The following SRBD1 variants were observed in gnomAD, a reference collection of about 807,000 sequenced individuals.
SRBD1 encodes S1 RNA-binding domain-containing protein 1.
A neutral mutation model predicts 115.3 loss-of-function variants in SRBD1; 88 were observed. The ratio of observed to expected loss-of-function variants is 0.76; its 90% CI spans 0.64 to 0.91. The LOEUF is 0.91. Ranked by LOEUF, SRBD1 falls within the 40% of genes least tolerant of loss-of-function variation. The pLI is 0.00. For missense variants in SRBD1, 1,385 were observed against 1,177.4 expected, an observed-to-expected ratio of 1.18 and a Z score of -2.58; for synonymous variants, 509 against 407.7, an observed-to-expected ratio of 1.25 and a Z score of -2.99.
chr2:45,395,965 T>C (rs1667135455), intron 19 of SRBD1, among the ~76,000 whole-genome samples: 1 of 152,216 alleles, frequency 6.6e-6, no homozygotes, highest in Non-Finnish European at 1.5e-5. Flanking sequence ...CAATACAAAG[T>C]ACTTTCTGGC....
intron 4 of SRBD1, among the ~76,000 whole-genome samples, chr2:45,598,975 T>A (rs1673996530): frequency 6.6e-6 from 1 of 152,138 alleles, no homozygotes; most frequent in Admixed American, 6.5e-5. Context: ...GACATATAAT[T>A]CTGGCATCTC....
At chr2:45,599,153 T>C (rs1040669885) in intron 4 of SRBD1, among the ~76,000 whole-genome samples, 7 of 152,178 alleles carry the variant, frequency 4.6e-5, no homozygotes, top group Non-Finnish European at 1.0e-4. Context: ...AACTTAACAA[T>C]GAACCTGTGG....
At chr2:45,489,907 C>G in intron 14 of SRBD1, among the ~76,000 whole-genome samples, 1 of 152,094 alleles carries the variant, frequency 6.6e-6, no homozygotes, top group Non-Finnish European at 1.5e-5. Flanking sequence ...TAAGGAAGAG[C>G]TACTTTCTCA....
intron 14 of SRBD1, among the ~76,000 whole-genome samples, chr2:45,521,474 A>G (rs1186273575): frequency 6.6e-6 from 1 of 152,146 alleles, no homozygotes; most frequent in East Asian, 1.9e-4. Context: ...CCCCTACTAG[A>G]TGTCTATAAT....
chr2:45,423,453 A>G (rs1220593833), intron 16 of SRBD1, among the ~76,000 whole-genome samples: 2 of 152,200 alleles, frequency 1.3e-5, no homozygotes, highest in Non-Finnish European at 2.9e-5. Context: ...ACATGGTAGG[A>G]GAATAAAAAA....
intron 16 of SRBD1, among the ~76,000 whole-genome samples, chr2:45,470,103 T>C (rs1328183576): frequency 6.6e-6 from 1 of 152,222 alleles, no homozygotes; most frequent in Non-Finnish European, 1.5e-5. Flanking sequence ...AATTAAGGAA[T>C]TAAAATGTTT....
At position 45,551,223 on chromosome 2, in the gene SRBD1, C is replaced by G. The variant is rs1256203312; in HGVS notation, c.1577G>C (p.Arg526Pro). ...AACAGGGCTTGTTAAAAGGAGCTGA[C>G]GAAGGTTCCGTCCAAACATCATTAC... ...ESVMMFGRNLRQLLLTSPVPG... is the reference protein window; with the variant it reads ...ESVMMFGRNLPQLLLTSPVPG... Residue 526 changes from arginine to proline, a missense_variant, in exon 12 of 21, where the codon CGT becomes CCT. Arg to Pro is a moderately radical substitution (Grantham distance 103, BLOSUM62 -2). Coordinates refer to ENST00000263736, the MANE Select transcript of SRBD1 (RefSeq NM_018079.5). 6.2e-7 allele frequency: 1 copy of G among 1,612,912 alleles called. No individual in the cohort carries two copies. The highest frequency in any genetic ancestry group is 8.5e-7 in the Non-Finnish European group (1 of 1,179,824).
intron 16 of SRBD1, among the ~76,000 whole-genome samples, chr2:45,465,190 T>C (rs1009207294): frequency 2.0e-5 from 3 of 152,106 alleles, no homozygotes; most frequent in Admixed American, 6.5e-5. Context: ...CTTTAAATCA[T>C]CTCTAGATTA....
chr2:45,517,056 T>C (rs1327538548), intron 14 of SRBD1, among the ~76,000 whole-genome samples: 1 of 152,248 alleles, frequency 6.6e-6, no homozygotes, highest in Admixed American at 6.5e-5. Flanking sequence ...AGCAATGTTA[T>C]AGCAAAAAGT....
At position 45,389,179 on chromosome 2, in the gene SRBD1, G is replaced by A. The variant is rs1666927855; in HGVS notation, c.*131C>T. 1.8e-6 allele frequency: 2 copies of A among 1,111,732 alleles called. No individual in the cohort carries two copies. Among genetic ancestry groups the A allele is most frequent in the Non-Finnish European group, 2.5e-6 (2 of 794,024 alleles). The allele number at this position is 1,111,732 out of a possible 1,614,324, so 68.9% of individuals were successfully genotyped here. On this transcript the variant is annotated 3_prime_UTR_variant, in exon 21 of 21. Transcript: ENST00000263736. ...TTCAGAAGAAAAAATAAAGGAAAGTGTTTGGAAAATATTTCTGATATTAAG... is the reference window on the plus strand; with the variant it reads ...TTCAGAAGAAAAAATAAAGGAAAGTATTTGGAAAATATTTCTGATATTAAG...
At chr2:45,609,539 A>T (rs761599263) in intron 1 of SRBD1, among the ~76,000 whole-genome samples, 1 of 152,308 alleles carries the variant, frequency 6.6e-6, no homozygotes, top group South Asian at 2.1e-4. Context: ...ACTTAGAATC[A>T]AGCCACATTT....
intron 19 of SRBD1, 35 bp from the exon 20 acceptor site, chr2:45,393,164 C>T (rs1667053551): frequency 6.4e-7 from 1 of 1,556,994 alleles, no homozygotes; most frequent in African/African-American, 1.4e-5. Flanking sequence ...CAACACTTAA[C>T]AATATTACTC....
chr2:45,465,492 A>G (rs1669458730), intron 16 of SRBD1, among the ~76,000 whole-genome samples: 1 of 152,158 alleles, frequency 6.6e-6, no homozygotes, highest in Non-Finnish European at 1.5e-5. Flanking sequence ...ACTGCAAGAA[A>G]ACACCATGGT....
At chr2:45,527,623 C>T (rs1671488665) in intron 14 of SRBD1, among the ~76,000 whole-genome samples, 5 of 151,674 alleles carry the variant, frequency 3.3e-5, no homozygotes, top group Admixed American at 3.3e-4. Context: ...TACTATGTGC[C>T]AAGCACCATT....
intron 16 of SRBD1, among the ~76,000 whole-genome samples, chr2:45,470,717 T>G (rs1669623209): frequency 6.6e-6 from 1 of 152,202 alleles, no homozygotes; most frequent in South Asian, 2.1e-4. Context: ...CATCCTGCTC[T>G]CACTCTGGAG....
chr2:45,452,167 T>G (rs967077762), intron 16 of SRBD1, among the ~76,000 whole-genome samples: 4 of 152,036 alleles, frequency 2.6e-5, no homozygotes, highest in African/African-American at 7.2e-5. Flanking sequence ...CATTAGAATC[T>G]GTCTTTAAAA....
At chr2:45,555,503 T>C (rs1447677014) in intron 10 of SRBD1, among the ~76,000 whole-genome samples, 1 of 149,368 alleles carries the variant, frequency 6.7e-6, no homozygotes, top group African/African-American at 2.5e-5. Context: ...TTTTTTTTTT[T>C]TTTTTGAGAC....
intron 16 of SRBD1, among the ~76,000 whole-genome samples, chr2:45,444,675 T>G (rs1455411439): frequency 6.6e-6 from 1 of 152,218 alleles, no homozygotes; most frequent in African/African-American, 2.4e-5. Context: ...CATACATATG[T>G]TAGTTGGCAT....
chr2:45,604,344 A>G (rs1674194838), intron 2 of SRBD1, among the ~76,000 whole-genome samples: 1 of 150,438 alleles, frequency 6.6e-6, no homozygotes, highest in South Asian at 2.1e-4. Context: ...ATATTGAGCC[A>G]TAAGACAAGA....
Sources: allele counts gnomAD v4.1 joint callset (sites outside exome capture counted in the v4.1 genomes callset), GRCh38; gene constraint gnomAD v4.1.1; transcripts MANE v1.5; gene names NCBI Gene and HGNC (gene_info 2026-07-23, HGNC 2026-07-21).